NETO1: variants seen among roughly 807,000 people sequenced by gnomAD.
NETO1 encodes neuropilin and tolloid-like protein 1.
Under a neutral mutation model 61.3 loss-of-function variants are expected in NETO1, and 26 were observed. The ratio of observed to expected loss-of-function variants is 0.42; its 90% CI spans 0.31 to 0.59. The LOEUF (loss-of-function observed/expected upper bound fraction) is 0.59, where lower values mean the gene tolerates loss of function less well. NETO1 is among the 20% of genes least tolerant of loss of function. NETO1 has a pLI of 0.12. For missense variants in NETO1, 531 were observed against 662.8 expected, an observed-to-expected ratio of 0.80 and a Z score of 2.18; for synonymous variants, 225 against 225.8, an observed-to-expected ratio of 1.00 and a Z score of 0.03.
intron 7 of NETO1, among the ~76,000 whole-genome samples, chr18:72,767,917 C>T (rs545791083): frequency 6.6e-6 from 1 of 152,296 alleles, no homozygotes; most frequent in South Asian, 2.1e-4. Context: ...CAATACTAGC[C>T]ACCTTCTGCT....
In NETO1 at chr18:72,836,376, C is replaced by A. The variant is rs945545884; in HGVS notation, c.469+22450G>T. On this transcript the variant is annotated intron_variant, in intron 4 of 10. Transcript: ENST00000327305. ...GTACACTTGTCATACTCTCCTTATA[C>A]ATTTTCTTCTTCTCCTTTACCCCAC... Among the ~76,000 whole-genome samples the A allele has an allele frequency of 1.3e-5, 2 of 152,166 alleles. 1 individual carries two copies. The highest frequency in any genetic ancestry group is 1.3e-4 in the Admixed American group (2 of 15,270).
intron 4 of NETO1, among the ~76,000 whole-genome samples, chr18:72,821,347 A>G (rs1339563488): frequency 6.6e-6 from 1 of 151,220 alleles, no homozygotes; most frequent in East Asian, 1.9e-4. Context: ...GTTCGAGACC[A>G]GCCTGACCAA....
intron 4 of NETO1, among the ~76,000 whole-genome samples, chr18:72,796,714 T>C (rs903472624): frequency 3.9e-5 from 6 of 152,110 alleles, no homozygotes; most frequent in Non-Finnish European, 7.4e-5. Flanking sequence ...TCCGTCCTCC[T>C]TGGCCTCCCA....
intron 7 of NETO1, among the ~76,000 whole-genome samples, chr18:72,775,141 T>C (rs1187810443): frequency 6.6e-6 from 1 of 152,156 alleles, no homozygotes; most frequent in Non-Finnish European, 1.5e-5. Flanking sequence ...GGCAGCAGTA[T>C]TATACCTATG....
intron 4 of NETO1, among the ~76,000 whole-genome samples, chr18:72,856,500 C>G (rs2074414097): frequency 6.6e-6 from 1 of 152,178 alleles, no homozygotes; most frequent in Admixed American, 6.5e-5. Flanking sequence ...TGAGTTCTTA[C>G]AGGCACTCAA....
chr18:72,835,086 C>T, intron 4 of NETO1: 1 of 1,107,334 alleles, frequency 9.0e-7, no homozygotes, highest in Non-Finnish European at 1.1e-6. Flanking sequence ...ATCTGGGTTT[C>T]AAGGTAGGAG....
intron 4 of NETO1, among the ~76,000 whole-genome samples, chr18:72,807,546 G>A (rs369939748): frequency 6.4e-4 from 97 of 152,234 alleles, no homozygotes; most frequent in African/African-American, 2.3e-3. Context: ...TTCACATTAA[G>A]TAGGCTTTTA....
chr18:72,786,754 T>G (rs1040312869), intron 6 of NETO1, among the ~76,000 whole-genome samples: 18 of 151,970 alleles, frequency 1.2e-4, no homozygotes, highest in African/African-American at 3.6e-4. Flanking sequence ...TATATATGCA[T>G]CTAAAAATGT....
At chr18:72,847,547 T>C (rs2074125419) in intron 4 of NETO1, among the ~76,000 whole-genome samples, 1 of 152,244 alleles carries the variant, frequency 6.6e-6, no homozygotes, top group African/African-American at 2.4e-5. Context: ...CACTGTCCCA[T>C]GCACATCTTT....
intron 4 of NETO1, among the ~76,000 whole-genome samples, chr18:72,849,156 C>G (rs2074177127): frequency 6.6e-6 from 1 of 152,200 alleles, no homozygotes; most frequent in South Asian, 2.1e-4. Context: ...CTTTTCCAAT[C>G]TCATCCAAGG....
At position 72,750,575 on chromosome 18, in the gene NETO1, C is replaced by G. The variant is rs769245160; in HGVS notation, c.1028G>C (p.Gly343Ala). The G allele has an allele frequency of 5.6e-6, 9 of 1,611,570 alleles. No homozygotes were observed. In the South Asian group the frequency reaches 9.9e-5, roughly 18 times the overall value. ...GCAGGAAGTCACGCCAATGACAGTC[C>G]CACTGGTGTTGGTCAGCTGGTCCAG... is the stretch of plus-strand genomic sequence containing the variant. The part of the protein sequence containing the change: ...SLLDQLTNTS[G>A]TVIGVTSCIV... Residue 343 changes from glycine (G) to alanine (A), a missense_variant, in exon 9 of 11, where the codon GGG becomes GCG. Gly to Ala is a moderately conservative substitution (Grantham distance 60). Transcript: ENST00000327305.
chr18:72,791,572 T>C (rs560078267), intron 6 of NETO1, among the ~76,000 whole-genome samples: 18 of 152,322 alleles, frequency 1.2e-4, no homozygotes, highest in African/African-American at 4.1e-4. Flanking sequence ...TGCCAAATTC[T>C]GTAACAGACA....
intron 1 of NETO1, chr18:72,865,768 TA>T: frequency 7.4e-7 from 1 of 1,351,216 alleles, no homozygotes; most frequent in Non-Finnish European, 9.9e-7. Context: ...AGAAACAGAT[TA>T]ATGTGGATTG....
At position 72,830,770 on chromosome 18, in the gene NETO1, C is replaced by G. The variant is rs1241547418; in HGVS notation, c.469+28056G>C. 6.6e-6 allele frequency among the ~76,000 whole-genome samples: 1 copy of G among 152,200 alleles called. No homozygotes were observed. Among genetic ancestry groups the G allele is most frequent in the Non-Finnish European group, 1.5e-5 (1 of 68,030 alleles). Reference sequence around the variant, plus strand: ...CATTTTCCCTCAAATTCACCATCTCCTCTTTCTTAATCCTTCCATCACAAG... The same window carrying G: ...CATTTTCCCTCAAATTCACCATCTCGTCTTTCTTAATCCTTCCATCACAAG... On this transcript the variant is annotated intron_variant, in intron 4 of 10. Coordinates refer to ENST00000327305, the MANE Select transcript of NETO1 (RefSeq NM_138966.5). This position sits in a 1 kb window ranked among gnomAD's most constrained non-coding sequence, Gnocchi z 4.9.
chr18:72,850,113 T>C (rs1364821669), intron 4 of NETO1, among the ~76,000 whole-genome samples: 1 of 152,220 alleles, frequency 6.6e-6, no homozygotes, highest in Non-Finnish European at 1.5e-5. Flanking sequence ...TATTCATAGA[T>C]TGCAGAAATT....
At chr18:72,821,683 A>G (rs2073205954) in intron 4 of NETO1, among the ~76,000 whole-genome samples, 1 of 152,040 alleles carries the variant, frequency 6.6e-6, no homozygotes, top group South Asian at 2.1e-4. Context: ...TACTCATTGC[A>G]TAGGGTGGCT....
At chr18:72,801,505 T>A (rs1171406475) in intron 4 of NETO1, among the ~76,000 whole-genome samples, 1 of 152,194 alleles carries the variant, frequency 6.6e-6, no homozygotes, top group Non-Finnish European at 1.5e-5. Flanking sequence ...TATTTTCAAA[T>A]ATTCTAAGTT....
intron 2 of NETO1, 110 bp downstream of exon 2, chr18:72,865,078 A>T: frequency 2.2e-6 from 3 of 1,384,646 alleles, no homozygotes; most frequent in Non-Finnish European, 3.0e-6. Context: ...CCAATCAATT[A>T]TACATATTAT....
intron 4 of NETO1, among the ~76,000 whole-genome samples, chr18:72,802,207 T>C (rs1352719339): frequency 1.3e-5 from 2 of 151,554 alleles, no homozygotes; most frequent in Admixed American, 6.6e-5. Flanking sequence ...ATTAGCTCTC[T>C]AAAAGCCAAA....
Sources: allele counts gnomAD v4.1 joint callset (sites outside exome capture counted in the v4.1 genomes callset), GRCh38; gene constraint gnomAD v4.1.1; non-coding constraint Gnocchi (gnomAD v3.1); transcripts MANE v1.5; gene names NCBI Gene and HGNC (gene_info 2026-07-23, HGNC 2026-07-21).